Variants in NLRP9 observed in about 807,000 individuals in gnomAD.
NLRP9 encodes the protein NLR family pyrin domain containing 9.
Under a neutral mutation model 83.1 loss-of-function variants are expected in NLRP9, and 88 were observed. The observed-to-expected ratio is 1.06, with a 90% CI of 0.89 to 1.26. The LOEUF (loss-of-function observed/expected upper bound fraction) is 1.26. Among genes scored for constraint, NLRP9 ranks in the 50% most tolerant of loss-of-function variants. The pLI, the probability that NLRP9 is intolerant of heterozygous loss-of-function variation, is 0.00. For synonymous variants in NLRP9, 521 were observed against 447.6 expected, an observed-to-expected ratio of 1.16 and a Z score of -2.07; for missense variants, 1,308 against 1,179.3, an observed-to-expected ratio of 1.11 and a Z score of -1.60.
At chr19:55,723,878 G>A in intron 4 of NLRP9, 102 bp downstream of exon 4, 2 of 852,356 alleles carry the variant, frequency 2.3e-6, no homozygotes, top group Non-Finnish European at 3.7e-6. Flanking sequence ...CAAGAGAGAT[G>A]AAGGCTGATG....
chr19:55,711,572 A>G (rs766763526), intron 8 of NLRP9: 1 of 1,006,336 alleles, frequency 9.9e-7, no homozygotes, highest in Non-Finnish European at 1.5e-6. Context: ...GATTGTCACA[A>G]CTGAGGGAAG....
In NLRP9 at chr19:55,708,836, G is replaced by C. The variant is rs1232565017; in HGVS notation, c.*76C>G. Reference sequence around the variant, plus strand: ...CTGCTGCCATGATGTGCAATTACAGGATAGAGGTGCCAGGTGAAGGTCCCA... The same window carrying C: ...CTGCTGCCATGATGTGCAATTACAGCATAGAGGTGCCAGGTGAAGGTCCCA... On this transcript the variant is annotated 3_prime_UTR_variant, in exon 9 of 9. Transcript: ENST00000332836. The C allele has an allele frequency of 3.9e-6, 4 of 1,022,108 alleles. No individual in the cohort carries two copies. The highest frequency in any genetic ancestry group is 3.7e-5 in the South Asian group (2 of 53,828). The allele number at this position is 1,022,108 out of a possible 1,614,324, so 63.3% of individuals were successfully genotyped here.
intron 1 of NLRP9, 83 bp downstream of exon 1, chr19:55,738,011 AG>A: frequency 1.6e-6 from 2 of 1,260,312 alleles, no homozygotes; most frequent in Admixed American, 1.7e-5. Flanking sequence ...CATCTGATGG[AG>A]GGGGTGGCCA....
intron 3 of NLRP9, among the ~76,000 whole-genome samples, chr19:55,724,910 T>A (rs1988353311): frequency 6.6e-6 from 1 of 151,794 alleles, no homozygotes; most frequent in Admixed American, 6.6e-5. Flanking sequence ...ATACAAAAAA[T>A]TAGCTGGGTA....
chr19:55,727,443 T>A (rs2122318615), intron 3 of NLRP9, among the ~76,000 whole-genome samples: 1 of 152,300 alleles, frequency 6.6e-6, no homozygotes, highest in East Asian at 1.9e-4. Context: ...ATCAATGACT[T>A]CTTGTGCTTT....
At chr19:55,723,763 T>C (rs939351276) in intron 4 of NLRP9, among the ~76,000 whole-genome samples, 3 of 140,082 alleles carry the variant, frequency 2.1e-5, no homozygotes, top group East Asian at 2.0e-4. Context: ...GTAATTAAAG[T>C]GAGTACTAGA....
At chr19:55,735,094 A>G (rs562703229) in intron 1 of NLRP9, among the ~76,000 whole-genome samples, 1 of 152,320 alleles carries the variant, frequency 6.6e-6, no homozygotes, top group South Asian at 2.1e-4. Context: ...GGGGCCCTAC[A>G]GTCGCTCACA....
rs1032026610 is a variant in NLRP9 at position 55,713,315 on chromosome 19, T to TAGAGGAC, written c.2502-732_2502-726dup. 2.9e-4 allele frequency among the ~76,000 whole-genome samples: 44 copies of TAGAGGAC among 151,784 alleles called. 1 individual carries two copies. In the East Asian group the frequency reaches 7.5e-3, roughly 26 times the overall value. On this transcript the variant is annotated intron_variant, in intron 6 of 8. Transcript: ENST00000332836. Reference sequence around the variant, plus strand: ...TACAGATAGACAGAAAAATGGTAGATAGAGGACAGAGGATAGGGGACAGAT... The same window carrying TAGAGGAC: ...TACAGATAGACAGAAAAATGGTAGATAGAGGACAGAGGACAGAGGATAGGGGACAGAT...
At chr19:55,736,345 C>T (rs1280405988) in intron 1 of NLRP9, among the ~76,000 whole-genome samples, 2 of 152,034 alleles carry the variant, frequency 1.3e-5, no homozygotes, top group African/African-American at 4.8e-5. Flanking sequence ...GAGCTGAGAT[C>T]GCGCCACTGC....
intron 3 of NLRP9, among the ~76,000 whole-genome samples, chr19:55,724,775 T>G (rs1045625580): frequency 1.3e-5 from 2 of 151,952 alleles, no homozygotes; most frequent in African/African-American, 4.8e-5. Flanking sequence ...ATTAAGAAAT[T>G]AACATTTAAG....
intron 3 of NLRP9, 85 bp downstream of exon 3, chr19:55,729,746 T>C: frequency 1.8e-6 from 2 of 1,085,094 alleles, no homozygotes; most frequent in Non-Finnish European, 2.7e-6. Context: ...TCTGCATTTA[T>C]GCATGGGTCT....
rs554005557 is a variant in NLRP9, at chr19:55,716,959, T to C, written c.2160-61A>G. 9.3e-6 allele frequency: 13 copies of C among 1,392,620 alleles called. No homozygotes were observed. The African/African-American group carries it at 1.6e-4, about 17-fold the overall frequency. 86.3% of individuals were successfully genotyped at this position (1,392,620 alleles called of 1,614,324 possible). Reference sequence around the variant, plus strand: ...GCTTTCAATCGCTCATGAAACATTATCCACAGACCAAACGACACCTCTGAT... The same window carrying C: ...GCTTTCAATCGCTCATGAAACATTACCCACAGACCAAACGACACCTCTGAT... On this transcript the variant is annotated intron_variant, in intron 4 of 8. Transcript: ENST00000332836.
chr19:55,729,057 T>TTTTTC (rs1988489835), intron 3 of NLRP9, among the ~76,000 whole-genome samples: 1 of 139,280 alleles, frequency 7.2e-6, no homozygotes, highest in East Asian at 2.0e-4. Flanking sequence ...TTTCTTTTTT[T>TTTTTC]TTTTTTTTTT....
intron 2 of NLRP9, among the ~76,000 whole-genome samples, 190 bp downstream of exon 2, chr19:55,731,809 T>G (rs1988579222): frequency 6.6e-6 from 1 of 151,738 alleles, no homozygotes; most frequent in Non-Finnish European, 1.5e-5. Flanking sequence ...TTTCTCTTTA[T>G]ACAATGGAAA....
intron 4 of NLRP9, among the ~76,000 whole-genome samples, chr19:55,719,092 G>A (rs139120213): frequency 6.6e-5 from 10 of 152,346 alleles, no homozygotes; most frequent in African/African-American, 1.4e-4. Flanking sequence ...AGTTGCAAGC[G>A]CTGGGTTGCT....
At position 55,738,189 on chromosome 19, in the gene NLRP9, A is replaced by G. The variant is rs940066536; in HGVS notation, c.186T>C (p.His62=). The change falls in exon 1 of 9, where the codon CAT becomes CAC. Residue 62 remains histidine (H), a synonymous_variant. Transcript: ENST00000332836. ...KEDVAKLLDK[H]YPGKQAWEVT... ...CCTCCCATGCCTGCTTTCCTGGGTA[A>G]TGTTTGTCCAGCAGCTTTGCTACAT... 1.9e-6 allele frequency: 3 copies of G among 1,614,086 alleles called. No individual in the cohort carries two copies. The highest frequency in any genetic ancestry group is 1.6e-4 in the Middle Eastern group (1 of 6,062).
intron 2 of NLRP9, among the ~76,000 whole-genome samples, chr19:55,730,856 A>G (rs1016974375): frequency 6.6e-6 from 1 of 152,144 alleles, no homozygotes; most frequent in African/African-American, 2.4e-5. Flanking sequence ...GCAAATCACC[A>G]TGACACACGC....
intron 2 of NLRP9, among the ~76,000 whole-genome samples, chr19:55,730,335 G>A (rs1426357744): frequency 6.6e-6 from 1 of 151,952 alleles, no homozygotes; most frequent in African/African-American, 2.4e-5. Flanking sequence ...TACACCTGTA[G>A]TCCCAGCTAT....
chr19:55,710,954 T>C (rs1314565034), intron 8 of NLRP9, among the ~76,000 whole-genome samples: 1 of 151,914 alleles, frequency 6.6e-6, no homozygotes, highest in African/African-American at 2.4e-5. Context: ...AGCATGGTGG[T>C]GAGTGCCTGT....
Sources: allele counts gnomAD v4.1 joint callset (sites outside exome capture counted in the v4.1 genomes callset), GRCh38; gene constraint gnomAD v4.1.1; transcripts MANE v1.5; gene names NCBI Gene and HGNC (gene_info 2026-07-23, HGNC 2026-07-21).